Variants in OTUD7A observed in about 807,000 individuals in gnomAD.
The protein encoded by OTUD7A is OTU domain-containing protein 7A.
In OTUD7A, 12 loss-of-function variants were observed where a neutral mutation model predicts 65.7. The ratio of observed to expected loss-of-function variants is 0.18; its 90% CI spans 0.12 to 0.30. The LOEUF is 0.30. Among genes scored for constraint, OTUD7A ranks in the 10% least tolerant of loss-of-function variants. The pLI, the probability that OTUD7A is intolerant of heterozygous loss-of-function variation, is 1.00. For missense variants in OTUD7A, 1,148 were observed against 1,304.8 expected, an observed-to-expected ratio of 0.88 and a Z score of 1.85; for synonymous variants, 641 against 586.3, an observed-to-expected ratio of 1.09 and a Z score of -1.35.
chr15:31,730,323 T>C (rs2141360131), intron 1 of OTUD7A, among the ~76,000 whole-genome samples: 1 of 152,326 alleles, frequency 6.6e-6, no homozygotes, highest in Non-Finnish European at 1.5e-5. Context: ...ACCCTCTGCA[T>C]TTAAAGCTCT....
intron 3 of OTUD7A, among the ~76,000 whole-genome samples, chr15:31,604,029 A>G (rs1890162123): frequency 6.6e-6 from 1 of 152,266 alleles, no homozygotes; most frequent in Non-Finnish European, 1.5e-5. Flanking sequence ...TGTGGAAGAC[A>G]GTGTGGCGAT....
chr15:31,663,248 C>CACACACACAG (rs1892217819), intron 1 of OTUD7A, among the ~76,000 whole-genome samples: 1 of 129,262 alleles, frequency 7.7e-6, no homozygotes, highest in Admixed American at 7.3e-5. Flanking sequence ...TTGGGCTAAA[C>CACACACACAG]ACACACACAC....
In OTUD7A at chr15:31,803,956, T is replaced by C. The variant is rs144501767; in HGVS notation, c.-100+66551A>G. ...TCCCCATGGTTTCAGATCAAGGTGATGATACCAGATGACAAGCTTAATCCC... is the reference window on the plus strand; with the variant it reads ...TCCCCATGGTTTCAGATCAAGGTGACGATACCAGATGACAAGCTTAATCCC... On this transcript the variant is annotated intron_variant, in intron 1 of 12. Transcript: ENST00000307050. Among the ~76,000 whole-genome samples, 6 of 152,320 alleles carry C rather than the reference T, an allele frequency of 3.9e-5. No homozygotes were observed. In the East Asian group the frequency reaches 9.6e-4, roughly 24 times the overall value.
intron 1 of OTUD7A, among the ~76,000 whole-genome samples, chr15:31,713,277 T>C (rs1893495762): frequency 6.6e-6 from 1 of 152,248 alleles, no homozygotes; most frequent in South Asian, 2.1e-4. Context: ...CTGCATGAAC[T>C]TGGGATGGGC....
intron 1 of OTUD7A, among the ~76,000 whole-genome samples, chr15:31,701,809 A>G (rs1183837531): frequency 1.3e-5 from 2 of 152,228 alleles, no homozygotes; most frequent in Admixed American, 1.3e-4. Context: ...ACGAAGCCAC[A>G]ATTACTCTCA....
In OTUD7A at chr15:31,484,546, G is replaced by A; in HGVS notation, c.1550C>T (p.Ala517Val). The A allele has an allele frequency of 6.2e-7, 1 of 1,611,434 alleles. No homozygotes were observed. The change falls in exon 13 of 13, where the codon GCC (alanine) becomes GTC (valine). Residue 517 changes from alanine to valine, a missense_variant. Transcript: ENST00000307050. This position sits in a 1 kb window ranked among gnomAD's most constrained non-coding sequence, Gnocchi z 4.5. The stretch of plus-strand genomic sequence containing the variant: ...GCCCAGCTTGTTGGCCACGGAGTCG[G>A]CGCGCGTCTTGTCCTTCTCCTTGCG... The part of the protein sequence containing the change: ...KQRKEKDKTR[A>V]DSVANKLGSF...
At chr15:31,728,064 C>T (rs914857405) in intron 1 of OTUD7A, among the ~76,000 whole-genome samples, 1 of 152,234 alleles carries the variant, frequency 6.6e-6, no homozygotes. Flanking sequence ...CATCTGACCA[C>T]TTAGTCTCCA....
intron 1 of OTUD7A, among the ~76,000 whole-genome samples, chr15:31,773,447 A>T (rs1489164694): frequency 6.6e-6 from 1 of 152,180 alleles, no homozygotes; most frequent in Admixed American, 6.5e-5. Flanking sequence ...CTCACATGGT[A>T]GAAGGGGCAA....
intron 1 of OTUD7A, among the ~76,000 whole-genome samples, chr15:31,690,149 C>A (rs1374162153): frequency 6.6e-6 from 1 of 152,078 alleles, no homozygotes; most frequent in Non-Finnish European, 1.5e-5. Flanking sequence ...CTGATACCTG[C>A]TATATTTTGT....
At chr15:31,639,379 T>G (rs1429987764) in intron 3 of OTUD7A, among the ~76,000 whole-genome samples, 1 of 150,428 alleles carries the variant, frequency 6.6e-6, no homozygotes, top group Non-Finnish European at 1.5e-5. Context: ...AGCATTCCAG[T>G]GTATGTATCT....
chr15:31,867,460 A>G (rs1452210229), intron 1 of OTUD7A, among the ~76,000 whole-genome samples: 5 of 152,226 alleles, frequency 3.3e-5, no homozygotes, highest in Admixed American at 3.3e-4. Context: ...GGCCACAGGA[A>G]TTACTTCCTA....
chr15:31,792,905 T>C (rs377648143), intron 1 of OTUD7A, among the ~76,000 whole-genome samples: 3,520 of 152,178 alleles, frequency 0.023, 161 homozygotes, highest in African/African-American at 0.08. Flanking sequence ...GCTGCCCCCC[T>C]GCCTGGCATG....
intron 1 of OTUD7A, among the ~76,000 whole-genome samples, chr15:31,759,043 T>C (rs570042453): frequency 1.3e-5 from 2 of 152,326 alleles, no homozygotes; most frequent in Admixed American, 6.5e-5. Context: ...CTCTCGTGGG[T>C]TGTCAATCTT....
chr15:31,743,769 G>A (rs1242551980), intron 1 of OTUD7A, among the ~76,000 whole-genome samples: 2 of 145,506 alleles, frequency 1.4e-5, no homozygotes, highest in Non-Finnish European at 3.1e-5. Flanking sequence ...AAGAAAAGAA[G>A]AGAAAATTAA....
At chr15:31,762,641 A>G (rs1334806294) in intron 1 of OTUD7A, among the ~76,000 whole-genome samples, 1 of 152,238 alleles carries the variant, frequency 6.6e-6, no homozygotes, top group East Asian at 1.9e-4. Flanking sequence ...TGCGTAAGCT[A>G]TAGAAGGATC....
intron 1 of OTUD7A, among the ~76,000 whole-genome samples, chr15:31,757,759 TA>T (rs1042879853): frequency 3.3e-5 from 5 of 152,242 alleles, no homozygotes; most frequent in African/African-American, 1.2e-4. Context: ...GTTTATATGG[TA>T]AATTAGAATT....
intron 1 of OTUD7A, among the ~76,000 whole-genome samples, chr15:31,835,649 C>T (rs1595802796): frequency 6.6e-6 from 1 of 152,162 alleles, no homozygotes; most frequent in South Asian, 2.1e-4. Context: ...CACATACGCA[C>T]ACACACATAT....
chr15:31,738,825 A>C (rs761767525), intron 1 of OTUD7A, among the ~76,000 whole-genome samples: 2 of 152,250 alleles, frequency 1.3e-5, no homozygotes, highest in African/African-American at 2.4e-5. Context: ...TCCTGATTTT[A>C]AGATGACTCA....
At chr15:31,496,922 T>C (rs1435247524) in intron 10 of OTUD7A, among the ~76,000 whole-genome samples, 3 of 152,138 alleles carry the variant, frequency 2.0e-5, no homozygotes. Flanking sequence ...TTTTTTCAAG[T>C]ATCACATTTT....
Sources: allele counts gnomAD v4.1 joint callset (sites outside exome capture counted in the v4.1 genomes callset), GRCh38; gene constraint gnomAD v4.1.1; non-coding constraint Gnocchi (gnomAD v3.1); transcripts MANE v1.5; gene names NCBI Gene and HGNC (gene_info 2026-07-23, HGNC 2026-07-21).